Variants in TBX4 observed in about 807,000 individuals in gnomAD.
The protein encoded by TBX4 is T-box transcription factor 4.
TBX4 carries 13 observed loss-of-function variants against 54.6 expected under a neutral mutation model. The ratio of observed to expected loss-of-function variants is 0.24; its 90% CI spans 0.15 to 0.38. The LOEUF (loss-of-function observed/expected upper bound fraction) is 0.38, where lower values mean the gene tolerates loss of function less well. TBX4 is among the 10% of genes least tolerant of loss of function. The pLI is 1.00. For synonymous variants in TBX4, 314 were observed against 306.7 expected (o/e 1.02, Z -0.25); for missense variants, 631 against 728.5 (o/e 0.87, Z 1.54).
At chr17:61,473,989 T>C (rs78576160) in intron 5 of TBX4, among the ~76,000 whole-genome samples, 2,230 of 152,230 alleles carry the variant, frequency 0.015, 24 homozygotes, top group Admixed American at 0.038. Context: ...GCTGATGGGC[T>C]CCCTGACTTA....
At chr17:61,482,737 A>C (rs931477842) in intron 8 of TBX4, among the ~76,000 whole-genome samples, 160 bp from the exon 9 acceptor site, 2 of 152,144 alleles carry the variant, frequency 1.3e-5, no homozygotes, top group South Asian at 4.1e-4. Context: ...CTGCAACCCT[A>C]TAAAAGCCGT....
rs1457853065 is a variant in TBX4 at position 61,472,367 on chromosome 17, G to C, written c.549+4710G>C. Among the ~76,000 whole-genome samples the C allele has an allele frequency of 6.6e-6, 1 of 152,220 alleles. No individual in the cohort carries two copies. Among genetic ancestry groups the C allele is most frequent in the Non-Finnish European group, 1.5e-5 (1 of 68,044 alleles). Reference sequence around the variant, plus strand: ...TTTGACAGGTGAAATGTGGATATCAGTGTTAGCTTTAATTTGCATTTCCTT... The same window carrying C: ...TTTGACAGGTGAAATGTGGATATCACTGTTAGCTTTAATTTGCATTTCCTT... On this transcript the variant is annotated intron_variant, in intron 5 of 8. Transcript: ENST00000644296. The surrounding 1 kb of genome is among the most constrained non-coding windows in gnomAD (Gnocchi z 4.5).
At chr17:61,470,935 T>C (rs1362467354) in intron 5 of TBX4, among the ~76,000 whole-genome samples, 1 of 152,206 alleles carries the variant, frequency 6.6e-6, no homozygotes, top group Non-Finnish European at 1.5e-5. Flanking sequence ...AGGGCCTCAC[T>C]GGGGCATAGG....
intron 1 of TBX4, 63 bp from the exon 2 acceptor site, chr17:61,456,425 G>A: frequency 6.5e-7 from 1 of 1,535,890 alleles, no homozygotes; most frequent in South Asian, 1.2e-5. Flanking sequence ...GGCTGGAGAG[G>A]GCCAGGGGTC....
At chr17:61,452,786 A>T in intron 1 of TBX4, 1 of 488,960 alleles carries the variant, frequency 2.0e-6, no homozygotes, top group Non-Finnish European at 2.7e-6. Flanking sequence ...CCCGACACCC[A>T]GTAGTTGGGG....
chr17:61,455,072 G>C (rs1325249992), intron 1 of TBX4, among the ~76,000 whole-genome samples: 1 of 152,214 alleles, frequency 6.6e-6, no homozygotes, highest in African/African-American at 2.4e-5. Context: ...CATGTCCAGC[G>C]AGTCTCACTC....
At position 61,483,746 on chromosome 17, in the gene TBX4, A is replaced by C; in HGVS notation, c.*230A>C. The C allele has an allele frequency of 1.7e-6, 1 of 582,054 alleles. No homozygotes were observed. Among genetic ancestry groups the C allele is most frequent in the South Asian group, 1.9e-5 (1 of 51,452 alleles). The allele number at this position is 582,054 out of a possible 1,614,324, so 36.1% of individuals were successfully genotyped here. On this transcript the variant is annotated 3_prime_UTR_variant, in exon 9 of 9. Transcript: ENST00000644296. This position sits in a 1 kb window ranked among gnomAD's most constrained non-coding sequence, Gnocchi z 6.6. ...AAAAAAACACCACATTTATCTAAGA[A>C]GTGATTTTGGCTGCAGGACCTGGGT...
Position 61,478,336 on chromosome 17 carries a change from G to C in TBX4, c.550-291G>C, listed in dbSNP as rs748189228. On this transcript the variant is annotated intron_variant, in intron 5 of 8. Transcript: ENST00000644296. This position sits in a 1 kb window ranked among gnomAD's most constrained non-coding sequence, Gnocchi z 7.4. ...TCACAGTGGGCTTTGACAGTGTTAAGGGCTGACTCAAGTTCTCCATTACCA... is the reference window on the plus strand; with the variant it reads ...TCACAGTGGGCTTTGACAGTGTTAACGGCTGACTCAAGTTCTCCATTACCA... 1.1e-4 allele frequency: 52 copies of C among 477,310 alleles called. No individual in the cohort carries two copies. The highest frequency in any genetic ancestry group is 1.8e-4 in the Non-Finnish European group (46 of 260,616). 29.6% of individuals were successfully genotyped at this position (477,310 alleles called of 1,614,324 possible).
At chr17:61,482,606 G>C (rs574542661) in intron 8 of TBX4, among the ~76,000 whole-genome samples, 2 of 152,332 alleles carry the variant, frequency 1.3e-5, no homozygotes, top group South Asian at 4.1e-4. Flanking sequence ...CTCTGCAAGA[G>C]TCAGGCTGGC....
rs773667933 is a variant in TBX4 at position 61,483,224 on chromosome 17, C to T, written c.1349C>T (p.Thr450Ile). 7.4e-6 allele frequency: 12 copies of T among 1,614,094 alleles called. No homozygotes were observed. The highest frequency in any genetic ancestry group is 1.0e-5 in the Non-Finnish European group (12 of 1,180,046). ...CCCTTCCCCACGCACTTCACCGCCA[C>T]CACCATGATGCCGCGGCTGCCCACC... Reference protein sequence around the residue: ...YQPFPTHFTATTMMPRLPTLS... With the variant: ...YQPFPTHFTAITMMPRLPTLS... Residue 450 changes from threonine to isoleucine, a missense_variant, in exon 9 of 9, where the codon ACC (threonine) becomes ATC (isoleucine). Transcript: ENST00000644296. The surrounding 1 kb of genome is among the most constrained non-coding windows in gnomAD (Gnocchi z 6.6).
chr17:61,463,946 G>C (rs2060516491), intron 3 of TBX4, among the ~76,000 whole-genome samples: 1 of 152,184 alleles, frequency 6.6e-6, no homozygotes, highest in African/African-American at 2.4e-5. Context: ...GGGAAAGGGT[G>C]GTGCAAGATC....
At position 61,483,768 on chromosome 17, in the gene TBX4, G is replaced by C. The variant is rs886053191; in HGVS notation, c.*252G>C. On this transcript the variant is annotated 3_prime_UTR_variant, in exon 9 of 9. Coordinates refer to ENST00000644296, the MANE Select transcript of TBX4 (RefSeq NM_001321120.2). This position sits in a 1 kb window ranked among gnomAD's most constrained non-coding sequence, Gnocchi z 6.6. ...AGAAGTGATTTTGGCTGCAGGACCT[G>C]GGTCTATTGTTATCTGACATCTCTT... The C allele has an allele frequency of 5.8e-6, 3 of 519,310 alleles. No homozygotes were observed. Among genetic ancestry groups the C allele is most frequent in the Non-Finnish European group, 7.0e-6 (2 of 284,876 alleles). 32.2% of individuals were successfully genotyped at this position (519,310 alleles called of 1,614,324 possible).
At position 61,470,347 on chromosome 17, in the gene TBX4, C is replaced by G. The variant is rs186452858; in HGVS notation, c.549+2690C>G. 1.7e-3 allele frequency among the ~76,000 whole-genome samples: 265 copies of G among 152,318 alleles called. 1 individual carries two copies. Among genetic ancestry groups the G allele is most frequent in the African/African-American group, 6.1e-3 (254 of 41,578 alleles). ...TTTGGGATAATCCGGGTTTTCCTAT[C>G]ATTCAAGATTCCTTTCTTCCATGAA... On this transcript the variant is annotated intron_variant, in intron 5 of 8. Transcript: ENST00000644296.
chr17:61,482,443 C>G (rs957203922), intron 8 of TBX4, among the ~76,000 whole-genome samples: 2 of 152,230 alleles, frequency 1.3e-5, no homozygotes, highest in African/African-American at 4.8e-5. Context: ...TTCCTGGGAG[C>G]TGAGGATGGA....
rs1308402857 is a variant in TBX4 at position 61,465,707 on chromosome 17, C to T, written c.282-112C>T. ...ACACAGCTGTGACCAATGCCAGGATCGCTGGCCAAAAGGGCAGCATCTGTT... is the reference window on the plus strand; with the variant it reads ...ACACAGCTGTGACCAATGCCAGGATTGCTGGCCAAAAGGGCAGCATCTGTT... On this transcript the variant is annotated intron_variant, in intron 3 of 8. Transcript: ENST00000644296. The surrounding 1 kb of genome is among the most constrained non-coding windows in gnomAD (Gnocchi z 4.9). 11 of 1,402,660 alleles carry T rather than the reference C, an allele frequency of 7.8e-6. No individual in the cohort carries two copies. The highest frequency in any genetic ancestry group is 2.8e-5 in the African/African-American group (2 of 70,352). The allele number at this position is 1,402,660 out of a possible 1,614,324, so 86.9% of individuals were successfully genotyped here.
chr17:61,480,116 G>C lies in TBX4; in HGVS notation c.818G>C (p.Ser273Thr), dbSNP rs764158066. 6.2e-7 allele frequency: 1 copy of C among 1,614,006 alleles called. No homozygotes were observed. Among genetic ancestry groups the C allele is most frequent in the Non-Finnish European group, 8.5e-7 (1 of 1,180,018 alleles). Reference protein sequence around the residue: ...QSKEYPVISKSIMRQRLISPQ... With the variant: ...QSKEYPVISKTIMRQRLISPQ... ...AAAGAATACCCCGTGATTTCCAAAA[G>C]CATCATGAGGCAGAGGCTCATCTCC... is the stretch of plus-strand genomic sequence containing the variant. Residue 273 changes from serine to threonine, a missense_variant, in exon 8 of 9, where the codon AGC (serine) becomes ACC (threonine). Ser to Thr is a moderately conservative substitution (Grantham distance 58). Transcript: ENST00000644296. The surrounding 1 kb of genome is among the most constrained non-coding windows in gnomAD (Gnocchi z 6.2).
intron 5 of TBX4, among the ~76,000 whole-genome samples, chr17:61,471,258 C>T (rs777165129): frequency 7.9e-5 from 12 of 152,244 alleles, no homozygotes; most frequent in Non-Finnish European, 1.6e-4. Flanking sequence ...CTGCGAGATC[C>T]AAGCTCAAAT....
chr17:61,477,385 C>T (rs537922077), intron 5 of TBX4, among the ~76,000 whole-genome samples: 9 of 152,344 alleles, frequency 5.9e-5, no homozygotes, highest in South Asian at 4.1e-4. Context: ...CTGGCAGCCG[C>T]GCCTCCAGGG....
rs1373040378 is a variant in TBX4, at chr17:61,465,651, C to G, written c.282-168C>G. ...AGTGCCACCTTTTCACTGTGCAGCT[C>G]GGGCAGAGGGGGAAGTGAGTTGTGC... On this transcript the variant is annotated intron_variant, in intron 3 of 8. Coordinates refer to ENST00000644296, the MANE Select transcript of TBX4 (RefSeq NM_001321120.2). The surrounding 1 kb of genome is among the most constrained non-coding windows in gnomAD (Gnocchi z 4.9). The G allele has an allele frequency of 1.2e-6, 1 of 831,422 alleles. No individual in the cohort carries two copies. The highest frequency in any genetic ancestry group is 1.7e-5 in the African/African-American group (1 of 60,142). 51.5% of individuals were successfully genotyped at this position (831,422 alleles called of 1,614,324 possible).
Sources: allele counts gnomAD v4.1 joint callset (sites outside exome capture counted in the v4.1 genomes callset), GRCh38; gene constraint gnomAD v4.1.1; non-coding constraint Gnocchi (gnomAD v3.1); transcripts MANE v1.5; gene names NCBI Gene and HGNC (gene_info 2026-07-23, HGNC 2026-07-21).